ANGPT4: variants seen among roughly 807,000 people sequenced by gnomAD.
The protein encoded by ANGPT4 is angiopoietin-4.
In ANGPT4, 50 loss-of-function variants were observed where a neutral mutation model predicts 53.0. That is an observed-to-expected ratio of 0.94 (90% CI 0.75 to 1.20). The LOEUF is 1.20. Among genes scored for constraint, ANGPT4 ranks in the 50% most tolerant of loss-of-function variants. The pLI, the probability that ANGPT4 is intolerant of heterozygous loss-of-function variation, is 0.00. For missense variants in ANGPT4, 648 were observed against 637.1 expected, an observed-to-expected ratio of 1.02 and a Z score of -0.18; for synonymous variants, 251 against 259.7, an observed-to-expected ratio of 0.97 and a Z score of 0.32.
chr20:910,655 G>A (rs1555792397), intron 1 of ANGPT4, among the ~76,000 whole-genome samples: 1 of 152,224 alleles, frequency 6.6e-6, no homozygotes, highest in Non-Finnish European at 1.5e-5. Flanking sequence ...AGGAGAAGAA[G>A]GTCTGTGTAC....
At position 916,307 on chromosome 20, in the gene ANGPT4, C is replaced by T; in HGVS notation, c.-93G>A. On this transcript the variant is annotated 5_prime_UTR_variant, in exon 1 of 9. Coordinates refer to ENST00000381922, the MANE Select transcript of ANGPT4 (RefSeq NM_015985.4). ...TGCAGCCAACAGTGGCCAGGCTTGC[C>T]TGCAGCTGCAGCTACAAACCTCTGT... 1 of 1,333,952 alleles carries T rather than the reference C, an allele frequency of 7.5e-7. No homozygotes were observed. Among genetic ancestry groups the T allele is most frequent in the Non-Finnish European group, 1.0e-6 (1 of 970,060 alleles). The allele number at this position is 1,333,952 out of a possible 1,614,324, so 82.6% of individuals were successfully genotyped here. A position where few individuals can be genotyped will look rare whatever the true frequency, so the allele number is the denominator to read the frequency against.
At position 908,362 on chromosome 20, in the gene ANGPT4, C is replaced by T. The variant is rs1327818626; in HGVS notation, c.309+7544G>A. Among the ~76,000 whole-genome samples, 1 of 152,306 alleles carries T rather than the reference C, an allele frequency of 6.6e-6. No individual in the cohort carries two copies. The highest frequency in any genetic ancestry group is 1.9e-4 in the East Asian group (1 of 5,180). On this transcript the variant is annotated intron_variant, in intron 1 of 8. Coordinates refer to ENST00000381922, the MANE Select transcript of ANGPT4 (RefSeq NM_015985.4). This position sits in a 1 kb window ranked among gnomAD's most constrained non-coding sequence, Gnocchi z 4.9. ...CTTTTGGCCCATTCTACCCCCAGGG[C>T]CTTTGCACTTGCTGTCCCGTGTGCC...
chr20:879,783 G>C lies in ANGPT4; in HGVS notation c.1017C>G (p.Thr339=), dbSNP rs61737018. ...WTLIQRRENG[T]VNFQRNWKDY... is the part of the protein sequence containing the mutation. ...CCTTCCAGTTCCGCTGAAAATTCAC[G>C]GTGCCATTCTCACGGCGCTGGATGA... The change falls in exon 6 of 9, where the codon ACC becomes ACG. Residue 339 remains threonine (T), a synonymous_variant. Coordinates refer to ENST00000381922, the MANE Select transcript of ANGPT4 (RefSeq NM_015985.4). 1 of 1,612,960 alleles carries C rather than the reference G, an allele frequency of 6.2e-7. No homozygotes were observed. The highest frequency in any genetic ancestry group is 2.2e-5 in the East Asian group (1 of 44,806).
At chr20:878,046 G>A (rs1981233623) in intron 7 of ANGPT4, 115 bp downstream of exon 7, 5 of 1,195,804 alleles carry the variant, frequency 4.2e-6, no homozygotes, top group Admixed American at 5.4e-5. Flanking sequence ...GTAGGAACAG[G>A]AGACACCCAG....
At chr20:884,662 G>A (rs994402524) in intron 4 of ANGPT4, among the ~76,000 whole-genome samples, 2 of 152,200 alleles carry the variant, frequency 1.3e-5, no homozygotes, top group Non-Finnish European at 2.9e-5. Flanking sequence ...TCCTTGGGGT[G>A]CATTGAGTCT....
intron 1 of ANGPT4, among the ~76,000 whole-genome samples, chr20:901,254 G>A (rs940217029): frequency 7.2e-5 from 11 of 152,268 alleles, no homozygotes; most frequent in African/African-American, 1.9e-4. Context: ...AAGCCTGCAC[G>A]TGTACATCCA....
chr20:909,203 G>C (rs1020676002), intron 1 of ANGPT4, among the ~76,000 whole-genome samples: 4 of 152,144 alleles, frequency 2.6e-5, no homozygotes, highest in Non-Finnish European at 5.9e-5. Flanking sequence ...ATGAGTCAAT[G>C]TTTATAAGAC....
rs765788530 is a variant in ANGPT4 at position 916,019 on chromosome 20, T to G, written c.196A>C (p.Asn66His). Residue 66 changes from asparagine to histidine, a missense_variant, in exon 1 of 9, where the codon AAC becomes CAC. Coordinates refer to ENST00000381922, the MANE Select transcript of ANGPT4 (RefSeq NM_015985.4). The part of the protein sequence containing the change: ...PPGPEVSRDS[N>H]TLQRESLANP... The stretch of plus-strand genomic sequence containing the variant: ...GCCAGTGATTCTCTCTGGAGGGTGT[T>G]GGAGTCCCTGGAGACCTCAGGCCCC... The G allele has an allele frequency of 6.2e-7, 1 of 1,614,162 alleles. No individual in the cohort carries two copies. The highest frequency in any genetic ancestry group is 8.5e-7 in the Non-Finnish European group (1 of 1,179,986).
chr20:874,256 G>A (rs1458338902), intron 8 of ANGPT4, 28 bp downstream of exon 8: 3 of 1,612,858 alleles, frequency 1.9e-6, no homozygotes, highest in Non-Finnish European at 2.5e-6. Context: ...CTGTGGGTGG[G>A]CGGAGCTTCA....
chr20:879,751 T>C lies in ANGPT4; in HGVS notation c.1049A>G (p.Lys350Arg). ...TCCCCAAGGCAGCAGGGCTACCTGT[T>C]TGTAATCCTTCCAGTTCCGCTGAAA... ...VNFQRNWKDY[K>R]QGFGDPAGEH... The change falls in exon 6 of 9, where the codon AAA becomes AGA. Residue 350 changes from lysine to arginine, a missense_variant. Transcript: ENST00000381922. 6.2e-7 allele frequency: 1 copy of C among 1,613,320 alleles called. No homozygotes were observed.
At chr20:913,568 T>G (rs529854076) in intron 1 of ANGPT4, among the ~76,000 whole-genome samples, 42 of 152,314 alleles carry the variant, frequency 2.8e-4, no homozygotes, top group African/African-American at 1.0e-3. Flanking sequence ...GCTGAGGCAC[T>G]GGACCAGGTG....
chr20:881,296 G>C lies in ANGPT4; in HGVS notation c.836-10C>G. On this transcript the variant is annotated splice_polypyrimidine_tract_variant and intron_variant, in intron 4 of 8. Transcript: ENST00000381922. ...CCTGCCATTATGAAGGCTGCAAAGG[G>C]ACAACACAAAAGTCAGTTGGAGGTG... 6.2e-7 allele frequency: 1 copy of C among 1,613,226 alleles called. No homozygotes were observed. Among genetic ancestry groups the C allele is most frequent in the Non-Finnish European group, 8.5e-7 (1 of 1,179,156 alleles).
intron 4 of ANGPT4, 116 bp downstream of exon 4, chr20:884,962 G>T: frequency 7.1e-7 from 1 of 1,415,810 alleles, no homozygotes; most frequent in Non-Finnish European, 9.5e-7. Context: ...GATGGTCGGG[G>T]AGGGTGGGGC....
At chr20:884,863 C>T (rs765993294) in intron 4 of ANGPT4, among the ~76,000 whole-genome samples, 2 of 152,196 alleles carry the variant, frequency 1.3e-5, no homozygotes, top group Non-Finnish European at 2.9e-5. Context: ...GGGGCATGCC[C>T]AAGGTCACCC....
intron 2 of ANGPT4, among the ~76,000 whole-genome samples, chr20:889,027 T>C (rs886397012): frequency 8.5e-5 from 13 of 152,222 alleles, no homozygotes; most frequent in African/African-American, 3.1e-4. Context: ...CCTGATGTTC[T>C]TGAACCTGCC....
At chr20:877,217 C>G (rs770877096) in intron 7 of ANGPT4, among the ~76,000 whole-genome samples, 5 of 152,108 alleles carry the variant, frequency 3.3e-5, no homozygotes, top group Admixed American at 3.3e-4. Flanking sequence ...ACCTTCCCAC[C>G]AGTGGAGGTA....
chr20:878,132 C>A (rs764876606), intron 7 of ANGPT4, 29 bp downstream of exon 7: 1 of 1,570,688 alleles, frequency 6.4e-7, no homozygotes, highest in Non-Finnish European at 8.7e-7. Context: ...AGACCCCAGC[C>A]CCCACAACGG....
intron 1 of ANGPT4, among the ~76,000 whole-genome samples, chr20:902,628 T>C (rs981922012): frequency 3.9e-5 from 6 of 152,244 alleles, no homozygotes; most frequent in Non-Finnish European, 7.3e-5. Context: ...ATCAGAAACC[T>C]GTTTTCTGTT....
chr20:913,987 C>T (rs1207636222), intron 1 of ANGPT4, among the ~76,000 whole-genome samples: 1 of 152,166 alleles, frequency 6.6e-6, no homozygotes, highest in Non-Finnish European at 1.5e-5. Context: ...GGGGGAGATC[C>T]AGGTCATGGG....
Sources: gnomAD v4.1 joint callset for allele counts (sites outside exome capture counted in the v4.1 genomes callset) on GRCh38, gnomAD v4.1.1 for gene constraint, Gnocchi (gnomAD v3.1) non-coding constraint, MANE v1.5 for transcripts, NCBI Gene and HGNC (gene_info 2026-07-23, HGNC 2026-07-21) for gene names.